Variants in PCDHA10 observed in about 807,000 individuals in gnomAD.
PCDHA10 encodes the protein protocadherin alpha 10.
Under a neutral mutation model 61.2 loss-of-function variants are expected in PCDHA10, and 45 were observed. The observed-to-expected ratio is 0.74, with a 90% CI of 0.58 to 0.94. The LOEUF is 0.94. PCDHA10 is among the 40% of genes least tolerant of loss of function. The pLI is 0.00. For synonymous variants in PCDHA10, 602 were observed against 548.8 expected (o/e 1.10, Z -1.35); for missense variants, 1,278 against 1,236.2 (o/e 1.03, Z -0.51).
At chr5:141,001,455 G>T (rs2098019131) in intron 3 of PCDHA10, among the ~76,000 whole-genome samples, 1 of 152,210 alleles carries the variant, frequency 6.6e-6, no homozygotes, top group Non-Finnish European at 1.5e-5. Flanking sequence ...ACTGTCAATT[G>T]AAGGACTAAG....
chr5:141,008,985 A>C (rs566679512), intron 3 of PCDHA10, among the ~76,000 whole-genome samples: 1 of 152,240 alleles, frequency 6.6e-6, no homozygotes, highest in Non-Finnish European at 1.5e-5. Context: ...AGTTTAATCT[A>C]GACACTAAAA....
At position 140,858,256 on chromosome 5, in the gene PCDHA10, G is replaced by C; in HGVS notation, c.2208G>C (p.Thr736=). The change falls in exon 1 of 4, where the codon ACG becomes ACC. Residue 736 remains threonine (T), a synonymous_variant. Coordinates refer to ENST00000307360, the MANE Select transcript of PCDHA10 (RefSeq NM_018901.4). ...GCGCATGTGGGCCGGTGAAGCCCAC[G>C]CTGGTGTGCTCTAGCGCGGTGGGGA... is the stretch of plus-strand genomic sequence containing the variant. ...TEGACGPVKP[T]LVCSSAVGSW... 1 of 1,596,658 alleles carries C rather than the reference G, an allele frequency of 6.3e-7. No homozygotes were observed. Among genetic ancestry groups the C allele is most frequent in the Non-Finnish European group, 8.6e-7 (1 of 1,166,508 alleles).
intron 1 of PCDHA10, chr5:140,867,929 GTTT>G (rs1459004552): frequency 6.6e-6 from 1 of 151,990 alleles, no homozygotes; most frequent in Non-Finnish European, 1.5e-5. Context: ...CACTTCCCTT[GTTT>G]TCCATGAACT....
At chr5:140,862,820 G>A (rs782106101) in intron 1 of PCDHA10, 2 of 574,854 alleles carry the variant, frequency 3.5e-6, no homozygotes, top group Non-Finnish European at 6.7e-6. Context: ...TTCTAGGTGA[G>A]AGCGCGCGAC....
intron 1 of PCDHA10, among the ~76,000 whole-genome samples, chr5:140,937,039 C>CT (rs34994034): frequency 0.49 from 69,094 of 140,108 alleles, 17,193 homozygotes; most frequent in East Asian, 0.59. Flanking sequence ...TTCCATTTAT[C>CT]TTTTTTTTTT....
chr5:140,967,471 A>G (rs2096144842), intron 1 of PCDHA10: 3 of 1,613,466 alleles, frequency 1.9e-6, no homozygotes, highest in Middle Eastern at 1.7e-4. Context: ...GGGGCATCCC[A>G]GCCCGCTCGG....
intron 1 of PCDHA10, among the ~76,000 whole-genome samples, chr5:140,944,130 G>C (rs141500614): frequency 3.9e-4 from 60 of 152,256 alleles, no homozygotes; most frequent in Non-Finnish European, 7.9e-4. Context: ...AGAAGAAAAG[G>C]TTGAAGATTA....
At chr5:140,966,865 G>T (rs1554228807) in intron 1 of PCDHA10, 4 of 1,565,172 alleles carry the variant, frequency 2.6e-6, no homozygotes, top group Non-Finnish European at 1.7e-6. Context: ...TGCTGTTGCT[G>T]CTGCTGCTAC....
intron 1 of PCDHA10, among the ~76,000 whole-genome samples, chr5:140,959,381 A>G (rs2095484925): frequency 6.6e-6 from 1 of 152,190 alleles, no homozygotes; most frequent in African/African-American, 2.4e-5. Flanking sequence ...CTCAAAAAAA[A>G]AAGTCACAAA....
rs898079440 is a variant in PCDHA10, at chr5:140,897,263, A to T, written c.2388+38827A>T. Among the ~76,000 whole-genome samples, 4 of 151,888 alleles carry T rather than the reference A, an allele frequency of 2.6e-5. No individual in the cohort carries two copies. The South Asian group carries it at 6.2e-4, about 24-fold the overall frequency. On this transcript the variant is annotated intron_variant, in intron 1 of 3. Transcript: ENST00000307360. Reference sequence around the variant, plus strand: ...TTAGTTACATATGTATACATGTGCCATGCTGGTGTGCTGCACCCATTAACT... The same window carrying T: ...TTAGTTACATATGTATACATGTGCCTTGCTGGTGTGCTGCACCCATTAACT...
At chr5:140,975,634 A>G (rs1457671890) in intron 1 of PCDHA10, among the ~76,000 whole-genome samples, 4 of 152,244 alleles carry the variant, frequency 2.6e-5, no homozygotes, top group African/African-American at 9.6e-5. Context: ...TGGTACGAAG[A>G]TAGCATATTA....
At chr5:140,930,785 A>G (rs1485024316) in intron 1 of PCDHA10, among the ~76,000 whole-genome samples, 1 of 152,248 alleles carries the variant, frequency 6.6e-6, no homozygotes, top group Admixed American at 6.5e-5. Context: ...TTTTCACAAT[A>G]TAATAGAATC....
At chr5:141,002,312 C>T (rs1171531371) in intron 3 of PCDHA10, among the ~76,000 whole-genome samples, 1 of 152,230 alleles carries the variant, frequency 6.6e-6, no homozygotes, top group East Asian at 1.9e-4. Flanking sequence ...GGGGCCGAAA[C>T]CTGGAGGCCG....
intron 3 of PCDHA10, among the ~76,000 whole-genome samples, chr5:140,996,776 A>G (rs1554255393): frequency 6.6e-6 from 1 of 152,206 alleles, no homozygotes; most frequent in Non-Finnish European, 1.5e-5. Flanking sequence ...TAAAATGAGT[A>G]GTGCCTCACT....
intron 3 of PCDHA10, among the ~76,000 whole-genome samples, chr5:140,998,540 T>TA (rs1304307081): frequency 6.6e-6 from 1 of 151,542 alleles, no homozygotes; most frequent in African/African-American, 2.4e-5. Context: ...CCCTAATTCC[T>TA]AATTTAATGT....
intron 1 of PCDHA10, among the ~76,000 whole-genome samples, chr5:140,977,515 C>T (rs2096764078): frequency 6.6e-6 from 1 of 152,158 alleles, no homozygotes; most frequent in African/African-American, 2.4e-5. Context: ...ATTTTGTGAA[C>T]TTGAAAACAA....
chr5:140,990,649 T>A (rs1465284882), intron 3 of PCDHA10, among the ~76,000 whole-genome samples: 1 of 152,330 alleles, frequency 6.6e-6, no homozygotes, highest in South Asian at 2.1e-4. Context: ...TCAGCCAGTA[T>A]GAATGATTTA....
chr5:140,996,944 ATATT>A (rs2097754010), intron 3 of PCDHA10, among the ~76,000 whole-genome samples: 1 of 152,144 alleles, frequency 6.6e-6, no homozygotes, highest in Non-Finnish European at 1.5e-5. Flanking sequence ...TTGCATAGAA[ATATT>A]TATTTCCCTC....
chr5:140,928,731 C>T, intron 1 of PCDHA10: 2 of 1,614,164 alleles, frequency 1.2e-6, no homozygotes, highest in Non-Finnish European at 1.7e-6. Context: ...GAATTTCAGC[C>T]AATATAGGTG....
Sources: allele counts gnomAD v4.1 joint callset (sites outside exome capture counted in the v4.1 genomes callset), GRCh38; gene constraint gnomAD v4.1.1; transcripts MANE v1.5; gene names NCBI Gene and HGNC (gene_info 2026-07-23, HGNC 2026-07-21).